Variants in TOM1L1 observed in about 807,000 individuals in gnomAD.
TOM1L1 encodes the protein target of myb1 like 1 membrane trafficking protein, also known as TOM1-like protein 1.
TOM1L1 carries 64 observed loss-of-function variants against 63.4 expected under a neutral mutation model. The observed-to-expected ratio is 1.01, with a 90% CI of 0.83 to 1.24. The LOEUF is 1.24. TOM1L1 is among the 50% of genes most tolerant of loss of function. The pLI is 0.00. For missense variants in TOM1L1, 536 were observed against 567.0 expected (o/e 0.95, Z 0.55); for synonymous variants, 166 against 194.4 (o/e 0.85, Z 1.22).
At chr17:54,943,356 T>A (rs189567928) in intron 11 of TOM1L1, among the ~76,000 whole-genome samples, 1 of 152,102 alleles carries the variant, frequency 6.6e-6, no homozygotes, top group Non-Finnish European at 1.5e-5. Context: ...TTCTGTTTCC[T>A]TTTTCCTGCT....
chr17:54,955,409 C>T (rs1411913606), intron 14 of TOM1L1, among the ~76,000 whole-genome samples: 2 of 152,122 alleles, frequency 1.3e-5, no homozygotes, highest in African/African-American at 4.8e-5. Flanking sequence ...ATTCTGGTTC[C>T]AGGGATCATG....
In TOM1L1 at chr17:54,961,399, T is replaced by A. The variant is rs1373182770; in HGVS notation, c.*166T>A. ...ATTAAATAGAATAACAGTTCCAGGA[T>A]AACACTGATTCCTGACAACAGCGTG... On this transcript the variant is annotated 3_prime_UTR_variant, in exon 16 of 16. Transcript: ENST00000575882. The A allele has an allele frequency of 1.9e-6, 3 of 1,541,482 alleles. No homozygotes were observed. The highest frequency in any genetic ancestry group is 2.8e-5 in the African/African-American group (2 of 72,592).
At chr17:54,918,824 CT>C (rs2048634278) in intron 7 of TOM1L1, among the ~76,000 whole-genome samples, 1 of 152,174 alleles carries the variant, frequency 6.6e-6, no homozygotes, top group Non-Finnish European at 1.5e-5. Context: ...ACTGATACAG[CT>C]AAGAGTCTTT....
intron 14 of TOM1L1, among the ~76,000 whole-genome samples, chr17:54,956,472 A>T (rs371780762): frequency 2.0e-5 from 3 of 151,754 alleles, no homozygotes; most frequent in African/African-American, 7.3e-5. Context: ...CGCCTGGCTA[A>T]TTTTTTTGTA....
intron 14 of TOM1L1, among the ~76,000 whole-genome samples, chr17:54,955,389 G>GT (rs1436892672): frequency 2.6e-5 from 4 of 152,140 alleles, no homozygotes; most frequent in African/African-American, 9.7e-5. Flanking sequence ...TGTAACCTTT[G>GT]TATCACTGCA....
chr17:54,961,186 A>T lies in TOM1L1; in HGVS notation c.*2-49A>T. On this transcript the variant is annotated intron_variant, in intron 15 of 15. Coordinates refer to ENST00000575882, the MANE Select transcript of TOM1L1 (RefSeq NM_005486.3). ...ACAAGAGAGTTATCAAGGAATGGGG[A>T]AAGAGAAGGACAGGATGAATACTGG... 4.1e-6 allele frequency: 5 copies of T among 1,232,536 alleles called. No homozygotes were observed. The South Asian group carries it at 5.2e-5, about 13-fold the overall frequency. 76.3% of individuals were successfully genotyped at this position (1,232,536 alleles called of 1,614,324 possible).
At position 54,912,747 on chromosome 17, in the gene TOM1L1, G is replaced by A. The variant is rs374110866; in HGVS notation, c.304G>A (p.Val102Ile). Residue 102 changes from valine (V) to isoleucine (I), a missense_variant, in exon 4 of 16, where the codon GTT becomes ATT. Coordinates refer to ENST00000575882, the MANE Select transcript of TOM1L1 (RefSeq NM_005486.3). ...GAAGGAATTTGTTAAAGAGAATTTA[G>A]TTAAGCTACTGAATCCCAGATACAA... ...VKKEFVKENL[V>I]KLLNPRYNLP... 4.3e-6 allele frequency: 7 copies of A among 1,611,400 alleles called. No homozygotes were observed. The highest frequency in any genetic ancestry group is 5.1e-6 in the Non-Finnish European group (6 of 1,179,256).
rs757736328 is a variant in TOM1L1 at position 54,900,932 on chromosome 17, G to A, written c.58+9G>A. ...CGTGGGCCACCTCATAGGTAAGGAG[G>A]CGCGGGGAGAGACGCCCAGGCAGGC... On this transcript the variant is annotated intron_variant, in intron 1 of 15. Coordinates refer to ENST00000575882, the MANE Select transcript of TOM1L1 (RefSeq NM_005486.3). 33 of 1,613,732 alleles carry A rather than the reference G, an allele frequency of 2.0e-5. 1 individual carries two copies. In the East Asian group the frequency reaches 6.9e-4, roughly 34 times the overall value.
intron 7 of TOM1L1, among the ~76,000 whole-genome samples, chr17:54,928,786 G>T (rs7207810): frequency 5.9e-5 from 9 of 152,164 alleles, no homozygotes; most frequent in African/African-American, 2.2e-4. Flanking sequence ...TCTAAAATCA[G>T]AAAGTCTATC....
rs142369117 is a variant in TOM1L1 at position 54,900,907 on chromosome 17, C to T, written c.42C>T (p.Ser14=). Residue 14 remains serine, a synonymous_variant, in exon 1 of 16, where the codon TCC becomes TCT. Coordinates refer to ENST00000575882, the MANE Select transcript of TOM1L1 (RefSeq NM_005486.3). ...GTCACCGGGATCCCTACGCGACCTC[C>T]GTGGGCCACCTCATAGGTAAGGAGG... ...GKSHRDPYAT[S]VGHLIEKATF... 623 of 1,613,914 alleles carry T rather than the reference C, an allele frequency of 3.9e-4. No individual in the cohort carries two copies. Among genetic ancestry groups the T allele is most frequent in the Non-Finnish European group, 4.9e-4 (580 of 1,180,034 alleles).
At chr17:54,961,019 C>G in intron 15 of TOM1L1, 1 of 578,980 alleles carries the variant, frequency 1.7e-6, no homozygotes, top group East Asian at 2.9e-5. Context: ...ATTTTCAGCA[C>G]TACTAATCCC....
chr17:54,905,454 C>T (rs1424759382), intron 2 of TOM1L1, 35 bp from the exon 3 acceptor site: 2 of 1,430,464 alleles, frequency 1.4e-6, no homozygotes, highest in South Asian at 2.4e-5. Context: ...TCAGCAATGC[C>T]TAAATTGGTG....
rs758083578 is a variant in TOM1L1, at chr17:54,947,281, A to G, written c.1151A>G (p.Gln384Arg). 1 of 1,614,176 alleles carries G rather than the reference A, an allele frequency of 6.2e-7. No individual in the cohort carries two copies. The highest frequency in any genetic ancestry group is 1.7e-5 in the Admixed American group (1 of 60,030). Residue 384 changes from glutamine (Q) to arginine (R), a missense_variant, in exon 12 of 16, where the codon CAA becomes CGA. Physicochemically the swap from Gln to Arg is conservative, Grantham distance 43. Coordinates refer to ENST00000575882, the MANE Select transcript of TOM1L1 (RefSeq NM_005486.3). ...CCTAGGTTTGCCCAAAGGACCAGCCAAAACCTCACCTCAAGCCACGCATAT... is the reference window on the plus strand; with the variant it reads ...CCTAGGTTTGCCCAAAGGACCAGCCGAAACCTCACCTCAAGCCACGCATAT... ...EIPPFAQRTS[Q>R]NLTSSHAYDN...
chr17:54,945,645 C>T (rs562005219), intron 11 of TOM1L1, among the ~76,000 whole-genome samples: 1 of 151,122 alleles, frequency 6.6e-6, no homozygotes, highest in Admixed American at 6.6e-5. Context: ...CTGTCATTTC[C>T]ATTTTGCTAT....
At chr17:54,916,722 T>C (rs556672254) in intron 7 of TOM1L1, 1 of 152,352 alleles carries the variant, frequency 6.6e-6, no homozygotes, top group Non-Finnish European at 1.5e-5. Context: ...TGCTCATTTC[T>C]TATTTGGGAA....
rs961034037 is a variant in TOM1L1 at position 54,950,050 on chromosome 17, A to T, written c.1294A>T (p.Thr432Ser). 1 of 1,613,720 alleles carries T rather than the reference A, an allele frequency of 6.2e-7. No homozygotes were observed. The highest frequency in any genetic ancestry group is 1.7e-5 in the Admixed American group (1 of 59,954). The change falls in exon 14 of 16, where the codon ACA becomes TCA. Residue 432 changes from threonine (T) to serine (S), a missense_variant. Physicochemically the swap from Thr to Ser is moderately conservative, Grantham distance 58. Coordinates refer to ENST00000575882, the MANE Select transcript of TOM1L1 (RefSeq NM_005486.3). Reference sequence around the variant, plus strand: ...GTCTCTTTTTTTGCCCAAAGCGATGACAAAAAGTGATCTCCAGCCACCTAA... The same window carrying T: ...GTCTCTTTTTTTGCCCAAAGCGATGTCAAAAAGTGATCTCCAGCCACCTAA... Reference protein sequence around the residue: ...PPLPSNHPAMTKSDLQPPNYY... With the variant: ...PPLPSNHPAMSKSDLQPPNYY...
rs1476655882 is a variant in TOM1L1, at chr17:54,914,746, A to AC, written c.603+3_603+4insC. Reference sequence around the variant, plus strand: ...CTGTTACATTGGTCCCAGAACAGGTAACAACAACAATCATTGCATTTAATT... The same window carrying AC: ...CTGTTACATTGGTCCCAGAACAGGTACACAACAACAATCATTGCATTTAATT... On this transcript the variant is annotated splice_donor_region_variant and intron_variant, in intron 6 of 15. Transcript: ENST00000575882. 3.6e-5 allele frequency: 58 copies of AC among 1,593,488 alleles called. No homozygotes were observed. The highest frequency in any genetic ancestry group is 5.0e-5 in the Non-Finnish European group (58 of 1,163,146).
intron 13 of TOM1L1, 149 bp downstream of exon 13, chr17:54,949,772 A>C: frequency 1.4e-6 from 1 of 714,360 alleles, no homozygotes; most frequent in Non-Finnish European, 2.4e-6. Flanking sequence ...GGCAGATACC[A>C]TTATGACTGA....
At chr17:54,948,114 A>G (rs8066833) in intron 12 of TOM1L1, among the ~76,000 whole-genome samples, 31,628 of 151,858 alleles carry the variant, frequency 0.21, 3,844 homozygotes, top group Non-Finnish European at 0.27. Context: ...AAATATGTCA[A>G]TTATTCAGCC....
Sources: gnomAD v4.1 joint callset for allele counts (sites outside exome capture counted in the v4.1 genomes callset) on GRCh38, gnomAD v4.1.1 for gene constraint, MANE v1.5 for transcripts, NCBI Gene and HGNC (gene_info 2026-07-23, HGNC 2026-07-21) for gene names.